Variants in INSL6 observed in about 807,000 individuals in gnomAD.
INSL6 encodes insulin like 6.
INSL6 carries 16 observed loss-of-function variants against 9.4 expected under a neutral mutation model. The observed-to-expected ratio is 1.70, with a 90% CI of 1.15 to 2.59. The LOEUF is 2.59. INSL6 is among the 30% of genes most tolerant of loss of function. INSL6 has a pLI of 0.00. For synonymous variants in INSL6, 154 were observed against 96.9 expected, an observed-to-expected ratio of 1.59 and a Z score of -3.46; for missense variants, 391 against 257.3, an observed-to-expected ratio of 1.52 and a Z score of -3.56.
the INSL6 span, among the ~76,000 whole-genome samples, chr9:5,050,425 C>A: frequency 7.2e-5 from 11 of 152,086 alleles, no homozygotes; most frequent in Non-Finnish European, 1.6e-4. Flanking sequence ...TATGTGCCAC[C>A]ATGCCTGGAT....
chr9:5,004,013 T>C, the INSL6 span, among the ~76,000 whole-genome samples: 1 of 152,142 alleles, frequency 6.6e-6, no homozygotes, highest in African/African-American at 2.4e-5. Flanking sequence ...AAAAATTTTT[T>C]TCTAAATTAC....
At chr9:5,154,732 C>T (rs1824782448) in intron 2 of INSL6, among the ~76,000 whole-genome samples, 2 of 152,218 alleles carry the variant, frequency 1.3e-5, no homozygotes, top group South Asian at 4.1e-4. Flanking sequence ...AAATGCTCAT[C>T]ACCACTGGCC....
downstream of INSL6, among the ~76,000 whole-genome samples, chr9:5,160,269 T>C (rs972243442): frequency 6.9e-6 from 1 of 145,536 alleles, no homozygotes; most frequent in Admixed American, 6.8e-5. Flanking sequence ...CTGACCACAA[T>C]AAAACTAGAA....
chr9:5,156,112 T>A (rs1824811357), intron 2 of INSL6, among the ~76,000 whole-genome samples: 1 of 149,732 alleles, frequency 6.7e-6, no homozygotes. Context: ...GACTAAGAAC[T>A]TTCATGCAAT....
chr9:5,143,918 C>T (rs1000500260), intron 2 of INSL6, among the ~76,000 whole-genome samples: 1 of 152,260 alleles, frequency 6.6e-6, no homozygotes, highest in South Asian at 2.1e-4. Flanking sequence ...CCTCAGCCTC[C>T]CAAAGTGCTG....
At chr9:5,060,385 A>T in the INSL6 span, among the ~76,000 whole-genome samples, 6 of 152,206 alleles carry the variant, frequency 3.9e-5, no homozygotes. Flanking sequence ...TTTTACCCAC[A>T]GTAGAATTTC....
the INSL6 span, chr9:5,089,986 T>C: frequency 9.6e-6 from 5 of 522,644 alleles, no homozygotes; most frequent in Non-Finnish European, 1.5e-5. Flanking sequence ...AGGCATTCTA[T>C]AATGACTAGA....
At chr9:5,090,929 T>A in the INSL6 span, 1 of 1,515,016 alleles carries the variant, frequency 6.6e-7, no homozygotes, top group Admixed American at 2.2e-5. Flanking sequence ...TATTTCAGTA[T>A]GATAAATGAA....
At chr9:5,129,530 TA>T (rs1824208643) in intron 3 of INSL6, among the ~76,000 whole-genome samples, 1 of 152,142 alleles carries the variant, frequency 6.6e-6, no homozygotes, top group African/African-American at 2.4e-5. Context: ...GGGCATAATG[TA>T]CTAAGAATCA....
intron 1 of INSL6, among the ~76,000 whole-genome samples, chr9:5,173,078 C>T (rs553216244): frequency 1.9e-4 from 29 of 152,130 alleles, no homozygotes; most frequent in East Asian, 1.5e-3. Flanking sequence ...TACTATCTCA[C>T]GACAGTCAGA....
At chr9:5,117,752 T>C in the INSL6 span, among the ~76,000 whole-genome samples, 6 of 151,972 alleles carry the variant, frequency 3.9e-5, no homozygotes, top group Admixed American at 3.3e-4. Context: ...GAAACAAAAG[T>C]TTTTTGGCAA....
downstream of INSL6, chr9:5,163,848 CAA>C (rs35123699): frequency 4.4e-5 from 46 of 1,052,506 alleles, no homozygotes; most frequent in South Asian, 7.2e-5. Flanking sequence ...TGCACAATTA[CAA>C]AAAAAAATAG....
chr9:5,063,429 C>T, the INSL6 span, among the ~76,000 whole-genome samples: 127 of 152,234 alleles, frequency 8.3e-4, no homozygotes, highest in African/African-American at 2.8e-3. Context: ...TTTCTGGGTA[C>T]AGCTATTATT....
At chr9:5,009,993 G>C in the INSL6 span, among the ~76,000 whole-genome samples, 1 of 152,206 alleles carries the variant, frequency 6.6e-6, no homozygotes, top group Non-Finnish European at 1.5e-5. Flanking sequence ...GGCTAGTCTT[G>C]AGCTCCAGGC....
At chr9:5,051,505 C>G in the INSL6 span, among the ~76,000 whole-genome samples, 2 of 152,048 alleles carry the variant, frequency 1.3e-5, no homozygotes, top group African/African-American at 4.8e-5. Context: ...TGAGTTGAAG[C>G]CCACAAATAT....
At chr9:5,110,010 A>G in the INSL6 span, 1 of 152,160 alleles carries the variant, frequency 6.6e-6, no homozygotes, top group Non-Finnish European at 1.5e-5. Context: ...CATTGGTTTT[A>G]TTTTAGTTAT....
chr9:5,181,008 T>A (rs1825439759), intron 1 of INSL6, among the ~76,000 whole-genome samples: 1 of 152,176 alleles, frequency 6.6e-6, no homozygotes, highest in South Asian at 2.1e-4. Context: ...ATATGTGCTG[T>A]CACCCCCGGC....
At chr9:5,087,947 A>G in the INSL6 span, among the ~76,000 whole-genome samples, 2 of 152,236 alleles carry the variant, frequency 1.3e-5, no homozygotes, top group African/African-American at 4.8e-5. Context: ...AATAATTAAA[A>G]ATTATTAATT....
At chr9:5,007,062 G>T in the INSL6 span, among the ~76,000 whole-genome samples, 10 of 151,588 alleles carry the variant, frequency 6.6e-5, no homozygotes, top group African/African-American at 2.4e-4. Context: ...CAATTTTAAT[G>T]CTTTTAAAAA....
Sources: allele counts gnomAD v4.1 joint callset (sites outside exome capture counted in the v4.1 genomes callset), GRCh38; gene constraint gnomAD v4.1.1; transcripts MANE v1.5; gene names NCBI Gene and HGNC (gene_info 2026-07-23, HGNC 2026-07-21).